Variants in COLQ observed in about 807,000 individuals in gnomAD.
COLQ encodes the protein acetylcholinesterase collagenic tail peptide.
In COLQ, 48 loss-of-function variants were observed where a neutral mutation model predicts 69.0. The observed-to-expected ratio is 0.70, with a 90% confidence interval of 0.55 to 0.88. The LOEUF (loss-of-function observed/expected upper bound fraction) is 0.88, where lower values mean the gene tolerates loss of function less well. Ranked by LOEUF, COLQ falls within the 40% of genes least tolerant of loss-of-function variation. The probability of loss-of-function intolerance (pLI) is 0.00; values close to 1 mark genes in which losing one functional copy is unlikely to be tolerated. For missense variants in COLQ, 618 were observed against 594.6 expected (o/e 1.04, Z -0.41); for synonymous variants, 217 against 211.2 (o/e 1.03, Z -0.24).
At chr3:15,514,572 A>G (rs1431186523) in intron 1 of COLQ, among the ~76,000 whole-genome samples, 1 of 152,178 alleles carries the variant, frequency 6.6e-6, no homozygotes, top group Non-Finnish European at 1.5e-5. Context: ...ACCTGGGTGC[A>G]TATTCTTTTG....
chr3:15,467,801 G>C (rs1264951890), intron 11 of COLQ: 3 of 452,260 alleles, frequency 6.6e-6, no homozygotes, highest in Admixed American at 4.8e-5. Context: ...AATCTGGGGA[G>C]CAGGCAGGCT....
chr3:15,506,178 A>C (rs796536348), intron 1 of COLQ, among the ~76,000 whole-genome samples: 12 of 152,340 alleles, frequency 7.9e-5, no homozygotes, highest in African/African-American at 2.6e-4. Context: ...GATAAACCTT[A>C]GGCTTTTTGC....
intron 13 of COLQ, among the ~76,000 whole-genome samples, chr3:15,457,428 C>T (rs1262469013): frequency 6.6e-6 from 1 of 151,840 alleles, no homozygotes; most frequent in Non-Finnish European, 1.5e-5. Flanking sequence ...AGTGAGTAGG[C>T]ATAAAGAGAA....
At chr3:15,478,828 T>C in intron 5 of COLQ, 149 bp downstream of exon 5, 1 of 923,372 alleles carries the variant, frequency 1.1e-6, no homozygotes, top group South Asian at 1.4e-5. Flanking sequence ...AGGTTACTAC[T>C]GTCACCATCG....
At chr3:15,519,866 C>A (rs146271583) in intron 1 of COLQ, among the ~76,000 whole-genome samples, 103 of 152,304 alleles carry the variant, frequency 6.8e-4, no homozygotes, top group African/African-American at 2.3e-3. Context: ...CCCCAGTTTG[C>A]AGATGAGAAG....
At chr3:15,503,345 A>C (rs183455185) in intron 1 of COLQ, among the ~76,000 whole-genome samples, 6 of 152,252 alleles carry the variant, frequency 3.9e-5, no homozygotes, top group Admixed American at 2.6e-4. Flanking sequence ...AGCCCTCTGC[A>C]GTATAGAGAG....
intron 1 of COLQ, among the ~76,000 whole-genome samples, chr3:15,514,851 G>A (rs1183543375): frequency 5.9e-5 from 9 of 152,180 alleles, no homozygotes; most frequent in Non-Finnish European, 1.0e-4. Flanking sequence ...TGGCCAGAAC[G>A]TGCGTCCAGC....
At chr3:15,498,025 C>T (rs1479838678) in intron 1 of COLQ, among the ~76,000 whole-genome samples, 1 of 152,206 alleles carries the variant, frequency 6.6e-6, no homozygotes. Context: ...CTACAAAGAA[C>T]AATTTGTGGT....
At chr3:15,519,994 G>C (rs902617083) in intron 1 of COLQ, among the ~76,000 whole-genome samples, 2 of 152,212 alleles carry the variant, frequency 1.3e-5, no homozygotes, top group Admixed American at 6.5e-5. Flanking sequence ...GGTGCTTATA[G>C]TGTAAGGCCA....
At chr3:15,515,978 G>T (rs1163222328) in intron 1 of COLQ, among the ~76,000 whole-genome samples, 1 of 152,142 alleles carries the variant, frequency 6.6e-6, no homozygotes, top group Admixed American at 6.5e-5. Context: ...GTGGCAAACA[G>T]TAAGGTGGGG....
At chr3:15,457,810 G>A (rs900582493) in intron 13 of COLQ, among the ~76,000 whole-genome samples, 4 of 151,920 alleles carry the variant, frequency 2.6e-5, no homozygotes, top group Non-Finnish European at 5.9e-5. Context: ...GTAGAGATGG[G>A]GTTTCACTGT....
chr3:15,455,929 C>T lies in COLQ; in HGVS notation c.1165G>A (p.Gly389Ser), dbSNP rs774638847. Residue 389 changes from glycine to serine, a missense_variant, in exon 15 of 17, where the codon GGT becomes AGT. By Grantham distance (56) the Gly-to-Ser change is moderately conservative. Transcript: ENST00000383788. ...LLQPGEECDD[G>S]NSDVGDDCIR... ...CAGTCGTCACCCACATCGCTGTTACCGTCGTCACACTCCTCCCCAGGCTGC... is the reference window on the plus strand; with the variant it reads ...CAGTCGTCACCCACATCGCTGTTACTGTCGTCACACTCCTCCCCAGGCTGC... 12 of 1,614,142 alleles carry T rather than the reference C, an allele frequency of 7.4e-6. No homozygotes were observed. Among genetic ancestry groups the T allele is most frequent in the South Asian group, 4.4e-5 (4 of 91,078 alleles).
In COLQ at chr3:15,489,546, G is replaced by GA. The variant is rs1179905592; in HGVS notation, c.197dup (p.Phe67LeufsTer67). ...TCACCGGACTTCGGCCACCTCTGAAGAATGGTGGTGGGAACAGTGGTGGTG... is the reference window on the plus strand; with the variant it reads ...TCACCGGACTTCGGCCACCTCTGAAGAAATGGTGGTGGGAACAGTGGTGGTG... On this transcript the variant is annotated frameshift_variant, in exon 2 of 17. Transcript: ENST00000383788. LOFTEE classifies it high-confidence loss of function. 1 of 1,614,224 alleles carries GA rather than the reference G, an allele frequency of 6.2e-7. No individual in the cohort carries two copies. Among genetic ancestry groups the GA allele is most frequent in the East Asian group, 2.2e-5 (1 of 44,890 alleles).
chr3:15,466,516 A>G, intron 11 of COLQ, 79 bp from the exon 12 acceptor site: 1 of 1,246,710 alleles, frequency 8.0e-7, no homozygotes, highest in Non-Finnish European at 1.2e-6. Context: ...CAAATCAGAG[A>G]TCACCTTGCA....
chr3:15,494,671 T>C (rs1229532783), intron 1 of COLQ, among the ~76,000 whole-genome samples: 1 of 152,124 alleles, frequency 6.6e-6, no homozygotes, highest in African/African-American at 2.4e-5. Context: ...TTTCCTTGAC[T>C]TCCCAGGCAA....
At chr3:15,505,947 A>T (rs961845515) in intron 1 of COLQ, among the ~76,000 whole-genome samples, 40 of 151,938 alleles carry the variant, frequency 2.6e-4, no homozygotes, top group African/African-American at 8.5e-4. Context: ...TGCACCCCCC[A>T]TCCCACCTCC....
At chr3:15,487,321 G>A (rs1036608276) in intron 3 of COLQ, among the ~76,000 whole-genome samples, 1 of 152,218 alleles carries the variant, frequency 6.6e-6, no homozygotes, top group African/African-American at 2.4e-5. Flanking sequence ...CAAAGGCCCT[G>A]TGGCTAAAGC....
chr3:15,464,616 A>G (rs943301010), intron 12 of COLQ, among the ~76,000 whole-genome samples: 1 of 152,218 alleles, frequency 6.6e-6, no homozygotes, highest in Non-Finnish European at 1.5e-5. Flanking sequence ...TGCCCATCCC[A>G]TGATGTGGTT....
chr3:15,486,292 T>C (rs983331901), intron 3 of COLQ, among the ~76,000 whole-genome samples: 9 of 152,226 alleles, frequency 5.9e-5, no homozygotes, highest in African/African-American at 2.4e-5. Flanking sequence ...CTTGTTAGAA[T>C]GCAGATTCTG....
Sources: allele counts gnomAD v4.1 joint callset (sites outside exome capture counted in the v4.1 genomes callset), GRCh38; gene constraint gnomAD v4.1.1; transcripts MANE v1.5; gene names NCBI Gene and HGNC (gene_info 2026-07-23, HGNC 2026-07-21).